Variants in PITPNC1 observed in about 807,000 individuals in gnomAD.
PITPNC1 encodes phosphatidylinositol transfer protein cytoplasmic 1.
PITPNC1 carries 18 observed loss-of-function variants against 44.7 expected under a neutral mutation model. The observed-to-expected ratio is 0.40, with a 90% CI of 0.28 to 0.60. PITPNC1 has a LOEUF of 0.60. Ranked by LOEUF, PITPNC1 falls within the 20% of genes least tolerant of loss-of-function variation. The pLI is 0.39. For missense variants in PITPNC1, 290 were observed against 418.4 expected, an observed-to-expected ratio of 0.69 and a Z score of 2.68; for synonymous variants, 141 against 149.6, an observed-to-expected ratio of 0.94 and a Z score of 0.42.
At chr17:67,448,089 G>A (rs184244067) in intron 1 of PITPNC1, among the ~76,000 whole-genome samples, 11 of 151,958 alleles carry the variant, frequency 7.2e-5, no homozygotes, top group African/African-American at 2.7e-4. Flanking sequence ...GGGATTAAAG[G>A]CGCACACCAC....
At chr17:67,490,264 T>TTGTG (rs111690441) in intron 1 of PITPNC1, among the ~76,000 whole-genome samples, 13 of 149,500 alleles carry the variant, frequency 8.7e-5, no homozygotes, top group African/African-American at 2.7e-4. Flanking sequence ...TGGGTCATAC[T>TTGTG]TGTGTGTGTG....
chr17:67,682,732 A>C (rs2042733837), intron 8 of PITPNC1, among the ~76,000 whole-genome samples: 1 of 152,198 alleles, frequency 6.6e-6, no homozygotes, highest in Non-Finnish European at 1.5e-5. Context: ...AATTATCCCC[A>C]GTATTGCTGG....
At chr17:67,665,224 CT>C (rs1450834563) in intron 6 of PITPNC1, among the ~76,000 whole-genome samples, 1 of 152,142 alleles carries the variant, frequency 6.6e-6, no homozygotes, top group African/African-American at 2.4e-5. Flanking sequence ...TCTCAAGTAG[CT>C]GCGACTATAA....
chr17:67,547,720 T>C (rs955825646), intron 2 of PITPNC1, among the ~76,000 whole-genome samples: 2 of 152,098 alleles, frequency 1.3e-5, no homozygotes, highest in Non-Finnish European at 2.9e-5. Flanking sequence ...ATAGGGATCG[T>C]AAAGTACCAG....
chr17:67,425,612 C>T (rs899342287), intron 1 of PITPNC1, among the ~76,000 whole-genome samples: 14 of 151,620 alleles, frequency 9.2e-5, no homozygotes, highest in African/African-American at 3.4e-4. Flanking sequence ...ACTTTGCACT[C>T]CTGGGCTCAA....
chr17:67,682,071 C>T (rs142479095), intron 8 of PITPNC1, among the ~76,000 whole-genome samples: 241 of 151,980 alleles, frequency 1.6e-3, no homozygotes, highest in African/African-American at 5.7e-3. Context: ...TATGGTGACA[C>T]GTGCCTGTAA....
At chr17:67,483,181 TC>T (rs1262400832) in intron 1 of PITPNC1, among the ~76,000 whole-genome samples, 1 of 152,200 alleles carries the variant, frequency 6.6e-6, no homozygotes, top group Non-Finnish European at 1.5e-5. Context: ...GCTGCAGAGA[TC>T]ATGAGGGACA....
intron 4 of PITPNC1, among the ~76,000 whole-genome samples, chr17:67,572,733 G>A (rs1245642978): frequency 2.6e-5 from 4 of 151,492 alleles, no homozygotes; most frequent in Admixed American, 6.6e-5. Flanking sequence ...AAGAAATTTC[G>A]GGCTGAGAGT....
chr17:67,549,161 A>G (rs1024927690), intron 2 of PITPNC1, among the ~76,000 whole-genome samples: 1 of 152,166 alleles, frequency 6.6e-6, no homozygotes, highest in African/African-American at 2.4e-5. Context: ...CAGACTGATT[A>G]GAAGAGTTCA....
chr17:67,670,911 C>G (rs746631201), intron 7 of PITPNC1, among the ~76,000 whole-genome samples: 55 of 152,186 alleles, frequency 3.6e-4, no homozygotes, highest in Admixed American at 1.0e-3. Flanking sequence ...GAGACGGAGT[C>G]TCACTCTGTC....
intron 8 of PITPNC1, among the ~76,000 whole-genome samples, chr17:67,685,693 A>G (rs1328931351): frequency 6.6e-6 from 1 of 152,240 alleles, no homozygotes; most frequent in African/African-American, 2.4e-5. Flanking sequence ...AATATTGCTG[A>G]TAAAATGTAA....
intron 1 of PITPNC1, among the ~76,000 whole-genome samples, chr17:67,381,049 CG>C (rs2037950657): frequency 6.6e-6 from 1 of 152,034 alleles, no homozygotes; most frequent in South Asian, 2.1e-4. Context: ...CTGGGATTGC[CG>C]GGTGCGGTGG....
intron 1 of PITPNC1, among the ~76,000 whole-genome samples, chr17:67,520,495 C>T (rs777573046): frequency 2.0e-4 from 30 of 152,172 alleles, no homozygotes; most frequent in Non-Finnish European, 3.4e-4. Flanking sequence ...CGTTTGAGAG[C>T]TCTGATGAAT....
chr17:67,478,929 C>T (rs1026642179), intron 1 of PITPNC1, among the ~76,000 whole-genome samples: 2 of 151,826 alleles, frequency 1.3e-5, no homozygotes, highest in East Asian at 1.9e-4. Context: ...CTTCTCCAGC[C>T]TCTCTGTTCT....
At chr17:67,505,788 A>C (rs1488029379) in intron 1 of PITPNC1, among the ~76,000 whole-genome samples, 1 of 152,164 alleles carries the variant, frequency 6.6e-6, no homozygotes, top group East Asian at 1.9e-4. Flanking sequence ...GTTGTTTTTG[A>C]GAACACCTGT....
chr17:67,662,935 T>C (rs2042369475), intron 6 of PITPNC1, among the ~76,000 whole-genome samples: 1 of 152,222 alleles, frequency 6.6e-6, no homozygotes, highest in African/African-American at 2.4e-5. Context: ...TGTGTAGTAT[T>C]CCATGGGCAC....
intron 1 of PITPNC1, among the ~76,000 whole-genome samples, chr17:67,450,975 G>A (rs545481678): frequency 6.6e-6 from 1 of 152,184 alleles, no homozygotes; most frequent in African/African-American, 2.4e-5. Context: ...TTCTGTATCT[G>A]GCGTCTTTTT....
rs532351068 is a variant in PITPNC1, at chr17:67,435,636, G to A, written c.48+57434G>A. Among the ~76,000 whole-genome samples the A allele has an allele frequency of 9.5e-4, 144 of 152,304 alleles. 1 individual carries two copies. Among genetic ancestry groups the A allele is most frequent in the African/African-American group, 3.3e-3 (139 of 41,570 alleles). ...TGGTAGGCCAAGGTGGGCAGATCAC[G>A]AGGTCAGGAGTTCGAGATCAGCTTG... is the stretch of plus-strand genomic sequence containing the variant. On this transcript the variant is annotated intron_variant, in intron 1 of 8. Coordinates refer to ENST00000581322, the MANE Select transcript of PITPNC1 (RefSeq NM_012417.4).
At chr17:67,393,448 T>C (rs2038168869) in intron 1 of PITPNC1, among the ~76,000 whole-genome samples, 1 of 152,088 alleles carries the variant, frequency 6.6e-6, no homozygotes, top group African/African-American at 2.4e-5. Flanking sequence ...TTAAACTCAT[T>C]CATCGTTTCT....
Sources: allele counts gnomAD v4.1 joint callset (sites outside exome capture counted in the v4.1 genomes callset), GRCh38; gene constraint gnomAD v4.1.1; transcripts MANE v1.5; gene names NCBI Gene and HGNC (gene_info 2026-07-23, HGNC 2026-07-21).